Variants in ATRNL1 observed in about 807,000 individuals in gnomAD.
ATRNL1 encodes the protein attractin-like protein 1.
Under a neutral mutation model 182.7 loss-of-function variants are expected in ATRNL1, and 95 were observed. The observed-to-expected ratio is 0.52, with a 90% CI of 0.44 to 0.62. The LOEUF (loss-of-function observed/expected upper bound fraction) is 0.62, where lower values mean the gene tolerates loss of function less well. Ranked by LOEUF, ATRNL1 falls within the 20% of genes least tolerant of loss-of-function variation. The probability of loss-of-function intolerance (pLI) is 0.00; values close to 1 mark genes in which losing one functional copy is unlikely to be tolerated. For synonymous variants in ATRNL1, 576 were observed against 568.3 expected (o/e 1.01, Z -0.19); for missense variants, 1,471 against 1,679.5 (o/e 0.88, Z 2.17).
chr10:115,280,530 A>C (rs1852313089), intron 13 of ATRNL1, among the ~76,000 whole-genome samples: 1 of 152,132 alleles, frequency 6.6e-6, no homozygotes, highest in Non-Finnish European at 1.5e-5. Context: ...TTTTGCCTTG[A>C]GGTTTCCAGT....
chr10:115,344,230 C>G (rs1422266248), intron 19 of ATRNL1, among the ~76,000 whole-genome samples: 3 of 152,088 alleles, frequency 2.0e-5, no homozygotes, highest in Non-Finnish European at 4.4e-5. Context: ...CGAGTTCCCT[C>G]AGGCCCCTGG....
intron 28 of ATRNL1, among the ~76,000 whole-genome samples, chr10:115,849,566 A>C (rs937204735): frequency 6.6e-6 from 1 of 152,178 alleles, no homozygotes; most frequent in African/African-American, 2.4e-5. Flanking sequence ...TGTGTTTTCT[A>C]ACAACTGCAT....
chr10:115,364,930 T>G (rs1554945437), intron 19 of ATRNL1, among the ~76,000 whole-genome samples: 1 of 151,542 alleles, frequency 6.6e-6, no homozygotes, highest in African/African-American at 2.4e-5. Flanking sequence ...GCCAGTATTT[T>G]ATTGAGGATT....
At chr10:115,776,805 T>A (rs1285551363) in intron 27 of ATRNL1, among the ~76,000 whole-genome samples, 3 of 152,088 alleles carry the variant, frequency 2.0e-5, no homozygotes, top group African/African-American at 7.2e-5. Context: ...TAGATTCAGT[T>A]GTATTGGGAA....
In ATRNL1 at chr10:115,535,395, C is replaced by T. The variant is rs566690636; in HGVS notation, c.3717-14063C>T. Among the ~76,000 whole-genome samples the T allele has an allele frequency of 1.1e-4, 17 of 151,278 alleles. No homozygotes were observed. The East Asian group carries it at 2.7e-3, about 24-fold the overall frequency. ...ACTGATACCCTTTCTTCCAGTTGATCGCATCGGCTCCTGAGGCTTCTGCAT... is the reference window on the plus strand; with the variant it reads ...ACTGATACCCTTTCTTCCAGTTGATTGCATCGGCTCCTGAGGCTTCTGCAT... On this transcript the variant is annotated intron_variant, in intron 25 of 28. Coordinates refer to ENST00000355044, the MANE Select transcript of ATRNL1 (RefSeq NM_207303.4).
At chr10:115,641,370 G>A (rs1294981872) in intron 26 of ATRNL1, among the ~76,000 whole-genome samples, 1 of 152,006 alleles carries the variant, frequency 6.6e-6, no homozygotes, top group Admixed American at 6.6e-5. Flanking sequence ...TGTTTGATAG[G>A]CTCTACCTCT....
At chr10:115,719,453 C>T (rs1053656061) in intron 26 of ATRNL1, among the ~76,000 whole-genome samples, 2 of 152,120 alleles carry the variant, frequency 1.3e-5, no homozygotes, top group Non-Finnish European at 2.9e-5. Flanking sequence ...AAAGTGTTCA[C>T]AAGTTGGAAT....
intron 21 of ATRNL1, among the ~76,000 whole-genome samples, chr10:115,434,369 C>G (rs1846305352): frequency 1.3e-5 from 2 of 152,126 alleles, no homozygotes; most frequent in South Asian, 4.2e-4. Context: ...ATGTAATACT[C>G]AAATGGGAAG....
At chr10:115,186,195 C>A (rs1847932886) in intron 8 of ATRNL1, among the ~76,000 whole-genome samples, 1 of 151,296 alleles carries the variant, frequency 6.6e-6, no homozygotes, top group African/African-American at 2.4e-5. Context: ...TCAAAGAAGA[C>A]ATACAAATGA....
At chr10:115,158,072 A>G (rs1846606691) in intron 5 of ATRNL1, among the ~76,000 whole-genome samples, 1 of 151,992 alleles carries the variant, frequency 6.6e-6, no homozygotes. Flanking sequence ...AAGAATAAGA[A>G]TAGTACAAAG....
chr10:115,664,527 G>T (rs11197394), intron 26 of ATRNL1, among the ~76,000 whole-genome samples: 1,767 of 151,930 alleles, frequency 0.012, 36 homozygotes, highest in African/African-American at 0.04. Flanking sequence ...GTCCTATCAC[G>T]GTGTATAAAT....
rs71010023 is a variant in ATRNL1, at chr10:115,500,920, C to CTTTT, written c.3655-18321_3655-18318dup. On this transcript the variant is annotated intron_variant, in intron 24 of 28. Transcript: ENST00000355044. ...TTCATAGCAGAAATTTCAGGTAAGA[C>CTTTT]TTTTTTTTTTTTTTTTTTTTTTTTT... is the stretch of plus-strand genomic sequence containing the variant. Among the ~76,000 whole-genome samples, 200 of 54,428 alleles carry CTTTT rather than the reference C, an allele frequency of 3.7e-3. 8 individuals are homozygous for CTTTT. The highest frequency in any genetic ancestry group is 4.0e-3 in the Non-Finnish European group (124 of 31,314). 35.7% of individuals were successfully genotyped at this position (54,428 alleles called of 152,430 possible).
chr10:115,564,261 G>A (rs1323719980), intron 26 of ATRNL1, among the ~76,000 whole-genome samples: 1 of 151,834 alleles, frequency 6.6e-6, no homozygotes, highest in Non-Finnish European at 1.5e-5. Context: ...AACTATTATA[G>A]TATATTAATT....
chr10:115,840,473 G>GTA (rs1950780736), intron 27 of ATRNL1, among the ~76,000 whole-genome samples: 1 of 152,076 alleles, frequency 6.6e-6, no homozygotes, highest in African/African-American at 2.4e-5. Flanking sequence ...TATACTTCAT[G>GTA]TATATATATT....
chr10:115,639,898 G>T (rs2133853936), intron 26 of ATRNL1, among the ~76,000 whole-genome samples: 1 of 151,874 alleles, frequency 6.6e-6, no homozygotes, highest in South Asian at 2.1e-4. Context: ...GTGGTTTGTT[G>T]CGCCCATCAA....
At chr10:115,532,060 T>C (rs572772772) in intron 25 of ATRNL1, among the ~76,000 whole-genome samples, 143 of 151,332 alleles carry the variant, frequency 9.4e-4, no homozygotes, top group East Asian at 2.9e-3. Context: ...AGTCAGGTAG[T>C]GTGATGCCTC....
chr10:115,799,535 C>T (rs1949741707), intron 27 of ATRNL1, among the ~76,000 whole-genome samples: 1 of 152,160 alleles, frequency 6.6e-6, no homozygotes, highest in Non-Finnish European at 1.5e-5. Context: ...CACCAATTAA[C>T]GAAGAGATTC....
intron 24 of ATRNL1, among the ~76,000 whole-genome samples, chr10:115,507,281 A>G (rs1228717179): frequency 1.3e-5 from 2 of 151,936 alleles, no homozygotes; most frequent in African/African-American, 4.8e-5. Flanking sequence ...TCCCAGCTTC[A>G]TTTTTCCCTT....
chr10:115,712,352 G>T (rs1443091464), intron 26 of ATRNL1, among the ~76,000 whole-genome samples: 1 of 152,136 alleles, frequency 6.6e-6, no homozygotes, highest in African/African-American at 2.4e-5. Context: ...TTCTTAGTGT[G>T]GCCAAACACC....
Sources: allele counts gnomAD v4.1 joint callset (sites outside exome capture counted in the v4.1 genomes callset), GRCh38; gene constraint gnomAD v4.1.1; transcripts MANE v1.5; gene names NCBI Gene and HGNC (gene_info 2026-07-23, HGNC 2026-07-21).